Variants in FANCA observed in about 807,000 individuals in gnomAD.
FANCA encodes the protein FA complementation group A.
Under a neutral mutation model 194.3 loss-of-function variants are expected in FANCA, and 236 were observed. The ratio of observed to expected loss-of-function variants is 1.21; its 90% CI spans 1.09 to 1.35. The LOEUF (loss-of-function observed/expected upper bound fraction) is 1.35, where lower values mean the gene tolerates loss of function less well. Ranked by LOEUF, FANCA falls within the 40% of genes most tolerant of loss-of-function variation. The probability of loss-of-function intolerance (pLI) is 0.00; values close to 1 mark genes in which losing one functional copy is unlikely to be tolerated. For missense variants in FANCA, 2,628 were observed against 1,813.9 expected (o/e 1.45, Z -8.15); for synonymous variants, 1,014 against 715.8 (o/e 1.42, Z -6.65).
At chr16:89,752,932 C>G (rs577055295) in intron 30 of FANCA, among the ~76,000 whole-genome samples, 8 of 152,156 alleles carry the variant, frequency 5.3e-5, no homozygotes, top group African/African-American at 9.7e-5. Flanking sequence ...TCCTCCACCT[C>G]TTGTGGAGGG....
intron 26 of FANCA, among the ~76,000 whole-genome samples, chr16:89,769,444 G>A (rs960691480): frequency 6.6e-6 from 1 of 152,156 alleles, no homozygotes; most frequent in African/African-American, 2.4e-5. Flanking sequence ...ACAGCCCGAG[G>A]TGTACACACT....
chr16:89,813,782 G>A (rs1355658173), intron 3 of FANCA, among the ~76,000 whole-genome samples: 1 of 150,300 alleles, frequency 6.7e-6, no homozygotes, highest in Non-Finnish European at 1.5e-5. Flanking sequence ...CCATAGGAAA[G>A]TTTTTTTATC....
intron 20 of FANCA, among the ~76,000 whole-genome samples, chr16:89,777,033 A>C (rs548325026): frequency 6.6e-6 from 1 of 152,188 alleles, no homozygotes; most frequent in South Asian, 2.1e-4. Flanking sequence ...AACACAGCGA[A>C]AATCCGTGTC....
In FANCA at chr16:89,749,714, T is replaced by C. The variant is rs1189981689; in HGVS notation, c.3239+16A>G. On this transcript the variant is annotated intron_variant, in intron 32 of 42. Transcript: ENST00000389301. The stretch of plus-strand genomic sequence containing the variant: ...CCCAGGTGGTGCTGCCCTGCCCAGG[T>C]GGTAGTAGGTGTTACCGTTTGTACA... The C allele has an allele frequency of 3.1e-6, 5 of 1,611,094 alleles. No individual in the cohort carries two copies.
rs759544106 is a variant in FANCA at position 89,746,682 on chromosome 16, G to A, written c.3415C>T (p.Leu1139=). 2 of 1,614,098 alleles carry A rather than the reference G, an allele frequency of 1.2e-6. No homozygotes were observed. The highest frequency in any genetic ancestry group is 1.7e-5 in the Admixed American group (1 of 60,022). The change falls in exon 35 of 43, where the codon CTG becomes TTG. Residue 1139 remains leucine, a synonymous_variant. Transcript: ENST00000389301. ...TCTCTGCTCCGCAGACAGGCGTTCA[G>A]GAGGCCCTGCAGGAGAGAACGCAGC... ...DITAHFFRGL[L]NACLRSRDPS...
intron 33 of FANCA, among the ~76,000 whole-genome samples, chr16:89,748,359 G>A (rs768493798): frequency 1.3e-4 from 20 of 152,306 alleles, no homozygotes; most frequent in East Asian, 1.9e-4. Flanking sequence ...ACCGAGGTGC[G>A]TGGCACACAA....
chr16:89,773,321 G>C lies in FANCA; in HGVS notation c.1964C>G (p.Ala655Gly), dbSNP rs1306842168. 3.2e-6 allele frequency: 5 copies of C among 1,551,616 alleles called. No homozygotes were observed. The Admixed American group carries it at 7.8e-5, about 24-fold the overall frequency. Residue 655 changes from alanine to glycine, a missense_variant, in exon 22 of 43, where the codon GCT becomes GGT. Transcript: ENST00000389301. ...SAEEPLGQLTAALGELRASMT... is the reference protein window; with the variant it reads ...SAEEPLGQLTGALGELRASMT... ...GGAGGCTCTCAGCTCTCCCAGTGCAGCTGTGAGCTGTCCCAGGGGCTCCTC... is the reference window on the plus strand; with the variant it reads ...GGAGGCTCTCAGCTCTCCCAGTGCACCTGTGAGCTGTCCCAGGGGCTCCTC...
intron 30 of FANCA, 42 bp from the exon 31 acceptor site, chr16:89,752,264 A>G (rs1459544021): frequency 6.5e-7 from 1 of 1,532,290 alleles, no homozygotes; most frequent in Non-Finnish European, 9.0e-7. Flanking sequence ...GTATCGCCTA[A>G]TAGTGCTGAA....
intron 26 of FANCA, among the ~76,000 whole-genome samples, chr16:89,768,628 C>G (rs765938251): frequency 6.6e-6 from 1 of 152,068 alleles, no homozygotes; most frequent in East Asian, 1.9e-4. Context: ...TGCACTCCAG[C>G]CTGGACGATA....
chr16:89,803,309 G>A lies in FANCA; in HGVS notation c.742C>T (p.Gln248Ter), dbSNP rs760744752. The change falls in exon 8 of 43, where the codon CAG becomes TAG. Residue 248 changes from glutamine to a stop codon, truncating the protein, a stop_gained. Coordinates refer to ENST00000389301, the MANE Select transcript of FANCA (RefSeq NM_000135.4). LOFTEE classifies it high-confidence loss of function. ...FVQMFVLRGF[Q>*]KNSDLRRTVE... ...GTTCTTCTCAGATCTGAGTTTTTCT[G>A]AAATCCCCTCAAAACAAACATTTGA... 2.5e-6 allele frequency: 4 copies of A among 1,613,938 alleles called. No homozygotes were observed. The highest frequency in any genetic ancestry group is 2.2e-5 in the East Asian group (1 of 44,898).
intron 2 of FANCA, among the ~76,000 whole-genome samples, chr16:89,814,847 G>C (rs1007361918): frequency 3.3e-5 from 5 of 151,930 alleles, no homozygotes; most frequent in African/African-American, 1.2e-4. Flanking sequence ...AGGCTGAGAC[G>C]GGAGAATCAC....
chr16:89,760,234 G>C (rs374063118), intron 29 of FANCA, among the ~76,000 whole-genome samples: 1 of 152,246 alleles, frequency 6.6e-6, no homozygotes, highest in Non-Finnish European at 1.5e-5. Flanking sequence ...GAGGAGAAAC[G>C]GGGGTGAGTG....
intron 37 of FANCA, among the ~76,000 whole-genome samples, chr16:89,742,480 T>C (rs2062157740): frequency 6.6e-6 from 1 of 151,870 alleles, no homozygotes; most frequent in South Asian, 2.1e-4. Flanking sequence ...AAAACTGAAA[T>C]TATTATTTTT....
At chr16:89,739,933 T>G (rs1382310475) in intron 39 of FANCA, 61 bp downstream of exon 39, 1 of 1,605,956 alleles carries the variant, frequency 6.2e-7, no homozygotes, top group Non-Finnish European at 8.5e-7. Flanking sequence ...CTTAACCATT[T>G]GCAAGATGCC....
intron 11 of FANCA, among the ~76,000 whole-genome samples, chr16:89,793,168 G>C (rs923539434): frequency 1.3e-5 from 2 of 152,260 alleles, no homozygotes; most frequent in Non-Finnish European, 2.9e-5. Flanking sequence ...CGGGGGGAAA[G>C]GGAGAGTCCC....
intron 30 of FANCA, among the ~76,000 whole-genome samples, chr16:89,758,189 TAAAG>T (rs1273044957): frequency 2.0e-5 from 3 of 152,126 alleles, no homozygotes; most frequent in African/African-American, 7.2e-5. Context: ...TCTATACACA[TAAAG>T]AAACAACCGA....
chr16:89,739,653 T>C, intron 39 of FANCA, 100 bp from the exon 40 acceptor site: 2 of 1,510,244 alleles, frequency 1.3e-6, no homozygotes, highest in Non-Finnish European at 1.8e-6. Context: ...CTGGGAGGCC[T>C]GGCTGTGGGG....
chr16:89,767,436 G>C (rs2039168056), intron 26 of FANCA, among the ~76,000 whole-genome samples, 199 bp from the exon 27 acceptor site: 1 of 151,860 alleles, frequency 6.6e-6, no homozygotes, highest in Non-Finnish European at 1.5e-5. Context: ...GGCACCACCT[G>C]GGCTCACTGC....
At chr16:89,779,988 G>A (rs199920033) in intron 17 of FANCA, 31 bp from the exon 18 acceptor site, 2 of 1,594,014 alleles carry the variant, frequency 1.3e-6, no homozygotes, top group African/African-American at 1.3e-5. Flanking sequence ...AAAGGAAAAA[G>A]AACAGAGGAC....
Sources: gnomAD v4.1 joint callset for allele counts (sites outside exome capture counted in the v4.1 genomes callset) on GRCh38, gnomAD v4.1.1 for gene constraint, MANE v1.5 for transcripts, NCBI Gene and HGNC (gene_info 2026-07-23, HGNC 2026-07-21) for gene names.